Variants in SLC13A2 observed in about 807,000 individuals in gnomAD.
SLC13A2 encodes the protein solute carrier family 13 member 2, also known as Na(+)-coupled citrate transporter.
A neutral mutation model predicts 58.5 loss-of-function variants in SLC13A2; 40 were observed. That is an observed-to-expected ratio of 0.68 (90% CI 0.53 to 0.89). SLC13A2 has a LOEUF of 0.89. Among genes scored for constraint, SLC13A2 ranks in the 40% least tolerant of loss-of-function variants. SLC13A2 has a pLI of 0.00. For missense variants in SLC13A2, 694 were observed against 772.6 expected, an observed-to-expected ratio of 0.90 and a Z score of 1.21; for synonymous variants, 341 against 331.6, an observed-to-expected ratio of 1.03 and a Z score of -0.31.
In SLC13A2 at chr17:28,497,116, C is replaced by T. The variant is rs2069160066; in HGVS notation, c.1626C>T (p.Leu542=). The part of the protein sequence containing the change: ...KVLDMARAGF[L]LNIIGVLIIA... ...CACACCAGGCCCGGGCAGGATTCCTCCTCAACATCATTGGAGTCCTGATCA... is the reference window on the plus strand; with the variant it reads ...CACACCAGGCCCGGGCAGGATTCCTTCTCAACATCATTGGAGTCCTGATCA... Residue 542 remains leucine, a synonymous_variant, in exon 12 of 12, where the codon CTC becomes CTT. Transcript: ENST00000314669. 1.2e-6 allele frequency: 2 copies of T among 1,613,996 alleles called. No individual in the cohort carries two copies. Among genetic ancestry groups the T allele is most frequent in the South Asian group, 2.2e-5 (2 of 91,078 alleles).
chr17:28,490,807 C>T lies in SLC13A2; in HGVS notation c.475C>T (p.Leu159=), dbSNP rs2069001481. The T allele has an allele frequency of 6.2e-7, 1 of 1,614,132 alleles. No homozygotes were observed. Among genetic ancestry groups the T allele is most frequent in the South Asian group, 1.1e-5 (1 of 91,082 alleles). Residue 159 remains leucine (L), a synonymous_variant, in exon 4 of 12, where the codon CTG becomes TTG. Coordinates refer to ENST00000314669, the MANE Select transcript of SLC13A2 (RefSeq NM_003984.4). ...CATCGCACATGCCGTCCTGGACCAG[C>T]TGCACAGCTCGCAAGCCAGCAGCAA... The part of the protein sequence containing the change: ...VPIAHAVLDQ[L]HSSQASSNVE...
Position 28,489,194 on chromosome 17 carries a change from C to A in SLC13A2, c.103-20C>A, listed in dbSNP as rs782293916. 32 of 1,611,426 alleles carry A rather than the reference C, an allele frequency of 2.0e-5. No homozygotes were observed. The highest frequency in any genetic ancestry group is 2.7e-5 in the African/African-American group (2 of 74,892). On this transcript the variant is annotated intron_variant, in intron 1 of 11. Coordinates refer to ENST00000314669, the MANE Select transcript of SLC13A2 (RefSeq NM_003984.4). Reference sequence around the variant, plus strand: ...GACACAGGCCCTCTGACAGCTCTGCCGCTTCTCTCCCACCTGCAGGAGGCC... The same window carrying A: ...GACACAGGCCCTCTGACAGCTCTGCAGCTTCTCTCCCACCTGCAGGAGGCC...
At chr17:28,478,579 G>T (rs1282255492) in intron 1 of SLC13A2, among the ~76,000 whole-genome samples, 1 of 152,144 alleles carries the variant, frequency 6.6e-6, no homozygotes, top group African/African-American at 2.4e-5. Flanking sequence ...AGCAGAACAG[G>T]TGAATGGAAC....
At chr17:28,485,453 A>T (rs1331069170) in intron 1 of SLC13A2, among the ~76,000 whole-genome samples, 8 of 152,132 alleles carry the variant, frequency 5.3e-5, no homozygotes, top group Admixed American at 4.6e-4. Flanking sequence ...CTGATCCCCA[A>T]ATCCCCACTT....
chr17:28,486,424 G>C (rs2151452922), intron 1 of SLC13A2, among the ~76,000 whole-genome samples: 1 of 152,212 alleles, frequency 6.6e-6, no homozygotes, highest in East Asian at 1.9e-4. Flanking sequence ...CCATGCCCCA[G>C]TTAAGAATCT....
chr17:28,480,151 C>G (rs1253491900), intron 1 of SLC13A2, among the ~76,000 whole-genome samples: 2 of 128,070 alleles, frequency 1.6e-5, no homozygotes, highest in East Asian at 4.5e-4. Context: ...GAGACTCTGT[C>G]TCAAAAAAAA....
chr17:28,489,448 A>T, intron 2 of SLC13A2, 106 bp downstream of exon 2: 1 of 1,336,832 alleles, frequency 7.5e-7, no homozygotes, highest in Non-Finnish European at 1.0e-6. Flanking sequence ...GGCAGGGCAC[A>T]TGGATTAGGG....
At chr17:28,473,940 A>G (rs1229542357) in intron 1 of SLC13A2, 126 bp downstream of exon 1, 3 of 764,280 alleles carry the variant, frequency 3.9e-6, no homozygotes, top group South Asian at 1.7e-5. Context: ...AAGTGAGGCT[A>G]TCGCCCCCTG....
chr17:28,487,045 C>T (rs1385421768), intron 1 of SLC13A2, among the ~76,000 whole-genome samples: 1 of 152,180 alleles, frequency 6.6e-6, no homozygotes, highest in Non-Finnish European at 1.5e-5. Context: ...TGATCAGCCC[C>T]CCACGGCCTC....
At position 28,496,117 on chromosome 17, in the gene SLC13A2, G is replaced by A. The variant is rs1244160609; in HGVS notation, c.1470+301G>A. ...CTGGTCATTCCTGAGGTGACGGGGT[G>A]AAATTGCTCCCCGAAGCGTCCCAAG... On this transcript the variant is annotated intron_variant, in intron 10 of 11. Transcript: ENST00000314669. This position sits in a 1 kb window ranked among gnomAD's most constrained non-coding sequence, Gnocchi z 4.2. Among the ~76,000 whole-genome samples, 1 of 152,148 alleles carries A rather than the reference G, an allele frequency of 6.6e-6. No individual in the cohort carries two copies. The highest frequency in any genetic ancestry group is 1.5e-5 in the Non-Finnish European group (1 of 68,024).
At chr17:28,490,965 G>A in intron 4 of SLC13A2, 59 bp downstream of exon 4, 1 of 1,471,206 alleles carries the variant, frequency 6.8e-7, no homozygotes, top group Non-Finnish European at 9.2e-7. Flanking sequence ...AGAGTCTGAG[G>A]GTCTGTCCGT....
rs782600202 is a variant in SLC13A2, at chr17:28,490,894, G to A, written c.562G>A (p.Val188Met). Reference protein sequence around the residue: ...ELQEPSPQKEVTKLDNGQALP... With the variant: ...ELQEPSPQKEMTKLDNGQALP... ...CCAGGAACCAAGTCCCCAGAAGGAG[G>A]TGACCAAGCTTGGTGAGAAAAATGA... is the stretch of plus-strand genomic sequence containing the variant. Residue 188 changes from valine (V) to methionine (M), a missense_variant, in exon 4 of 12, where the codon GTG becomes ATG. Physicochemically the swap from Val to Met is conservative, Grantham distance 21 (BLOSUM62 1). Coordinates refer to ENST00000314669, the MANE Select transcript of SLC13A2 (RefSeq NM_003984.4). 1 of 1,613,546 alleles carries A rather than the reference G, an allele frequency of 6.2e-7. No individual in the cohort carries two copies. Among genetic ancestry groups the A allele is most frequent in the African/African-American group, 1.3e-5 (1 of 74,890 alleles).
chr17:28,483,054 C>T (rs1000147642), intron 1 of SLC13A2, among the ~76,000 whole-genome samples: 1 of 152,182 alleles, frequency 6.6e-6, no homozygotes, highest in Non-Finnish European at 1.5e-5. Flanking sequence ...CTTGGGTTAA[C>T]CTTCAGTCAC....
intron 1 of SLC13A2, among the ~76,000 whole-genome samples, chr17:28,479,930 G>A (rs1190370795): frequency 6.6e-6 from 1 of 152,152 alleles, no homozygotes; most frequent in Non-Finnish European, 1.5e-5. Context: ...CGAGGCAGGT[G>A]GATCACCTGG....
intron 6 of SLC13A2, among the ~76,000 whole-genome samples, 166 bp from the exon 7 acceptor site, chr17:28,493,405 A>T (rs2069066630): frequency 6.6e-6 from 1 of 152,182 alleles, no homozygotes; most frequent in Non-Finnish European, 1.5e-5. Context: ...ATGGCCTCTA[A>T]AAGTCTTCTG....
chr17:28,495,761 A>G lies in SLC13A2; in HGVS notation c.1415A>G (p.Glu472Gly). Residue 472 changes from glutamate (E) to glycine (G), a missense_variant, in exon 10 of 12, where the codon GAG becomes GGG. Transcript: ENST00000314669. Reference sequence around the variant, plus strand: ...TCCCTCCTGGTGGCCACCTTCACCGAGTGCACTAGCAACGTGGCCACCACT... The same window carrying G: ...TCCCTCCTGGTGGCCACCTTCACCGGGTGCACTAGCAACGTGGCCACCACT... ...ILSLLVATFT[E>G]CTSNVATTTI... 1 of 1,613,176 alleles carries G rather than the reference A, an allele frequency of 6.2e-7. No individual in the cohort carries two copies. Among genetic ancestry groups the G allele is most frequent in the Non-Finnish European group, 8.5e-7 (1 of 1,179,860 alleles).
At position 28,489,205 on chromosome 17, in the gene SLC13A2, C is replaced by T. The variant is rs2068950551; in HGVS notation, c.103-9C>T. The T allele has an allele frequency of 6.2e-7, 1 of 1,612,884 alleles. No homozygotes were observed. The highest frequency in any genetic ancestry group is 1.1e-5 in the South Asian group (1 of 91,034). ...TCTGACAGCTCTGCCGCTTCTCTCC[C>T]ACCTGCAGGAGGCCTACTGCGCGTA... On this transcript the variant is annotated splice_polypyrimidine_tract_variant and intron_variant, in intron 1 of 11. Transcript: ENST00000314669.
intron 10 of SLC13A2, 135 bp downstream of exon 10, chr17:28,495,951 A>G: frequency 8.5e-7 from 1 of 1,181,810 alleles, no homozygotes. Flanking sequence ...CTGAGTTTCC[A>G]TCCTTCTCCA....
intron 11 of SLC13A2, 39 bp from the exon 12 acceptor site, chr17:28,497,060 C>T (rs1255912451): frequency 2.5e-6 from 4 of 1,601,766 alleles, no homozygotes; most frequent in Non-Finnish European, 3.4e-6. Flanking sequence ...GCAGTCCAGC[C>T]CAGTCCCTGC....
Sources: allele counts gnomAD v4.1 joint callset (sites outside exome capture counted in the v4.1 genomes callset), GRCh38; gene constraint gnomAD v4.1.1; non-coding constraint Gnocchi (gnomAD v3.1); transcripts MANE v1.5; gene names NCBI Gene and HGNC (gene_info 2026-07-23, HGNC 2026-07-21).